ARHGEF3: variants seen among roughly 807,000 people sequenced by gnomAD.
The protein encoded by ARHGEF3 is Rho guanine nucleotide exchange factor 3, also known as 59.8 kDA protein.
A neutral mutation model predicts 63.2 loss-of-function variants in ARHGEF3; 28 were observed. That is an observed-to-expected ratio of 0.44 (90% CI 0.33 to 0.61). The LOEUF (loss-of-function observed/expected upper bound fraction) is 0.61. Ranked by LOEUF, ARHGEF3 falls within the 20% of genes least tolerant of loss-of-function variation. ARHGEF3 has a pLI of 0.03. For missense variants in ARHGEF3, 533 were observed against 659.3 expected (o/e 0.81, Z 2.10); for synonymous variants, 266 against 254.2 (o/e 1.05, Z -0.44).
intron 1 of ARHGEF3, among the ~76,000 whole-genome samples, chr3:57,042,054 A>G (rs1187948030): frequency 6.6e-6 from 1 of 152,184 alleles, no homozygotes; most frequent in Non-Finnish European, 1.5e-5. Flanking sequence ...GTCAGTGTGG[A>G]CACAGCAGCG....
intron 3 of ARHGEF3, among the ~76,000 whole-genome samples, chr3:56,944,532 G>C (rs564588700): frequency 2.3e-4 from 35 of 150,430 alleles, no homozygotes; most frequent in African/African-American, 8.3e-4. Flanking sequence ...AACGGATGGG[G>C]AGTTGCTTCT....
At chr3:56,920,692 A>G (rs192914470) in intron 3 of ARHGEF3, among the ~76,000 whole-genome samples, 343 of 152,296 alleles carry the variant, frequency 2.3e-3, no homozygotes, top group Non-Finnish European at 4.1e-3. Flanking sequence ...GTCTTTAAAC[A>G]TACCCCATTT....
At chr3:56,923,714 CAG>C (rs1168736298) in intron 3 of ARHGEF3, among the ~76,000 whole-genome samples, 1 of 152,146 alleles carries the variant, frequency 6.6e-6, no homozygotes, top group Non-Finnish European at 1.5e-5. Context: ...TCCCATGACT[CAG>C]AGTGTTCATT....
intron 9 of ARHGEF3, among the ~76,000 whole-genome samples, chr3:56,729,883 C>A (rs1174555858): frequency 6.6e-6 from 1 of 151,452 alleles, no homozygotes; most frequent in Non-Finnish European, 1.5e-5. Context: ...ACCACAAAGT[C>A]AAGTGATTTA....
At chr3:56,968,054 T>A (rs1285843006) in intron 2 of ARHGEF3, among the ~76,000 whole-genome samples, 1 of 566 alleles carries the variant, frequency 1.8e-3, no homozygotes. Context: ...ATATATATAA[T>A]ATATATAATA....
At chr3:56,945,257 T>G (rs1206909762) in intron 3 of ARHGEF3, among the ~76,000 whole-genome samples, 1 of 151,636 alleles carries the variant, frequency 6.6e-6, no homozygotes, top group African/African-American at 2.4e-5. Flanking sequence ...CTGGGGAGTG[T>G]TGGAAAGTGG....
At chr3:56,949,100 A>T (rs1380191516) in intron 3 of ARHGEF3, among the ~76,000 whole-genome samples, 1 of 152,044 alleles carries the variant, frequency 6.6e-6, no homozygotes, top group Non-Finnish European at 1.5e-5. Flanking sequence ...AAAAACTCTC[A>T]ATAAATTAGG....
intron 1 of ARHGEF3, chr3:57,060,426 C>T (rs1705158954): frequency 6.6e-6 from 1 of 152,208 alleles, no homozygotes; most frequent in Admixed American, 6.5e-5. Context: ...CAGGAGAGCC[C>T]TTCCAAGAAC....
At chr3:56,894,493 TGAAAA>T (rs2041234081) in intron 3 of ARHGEF3, among the ~76,000 whole-genome samples, 1 of 152,156 alleles carries the variant, frequency 6.6e-6, no homozygotes, top group African/African-American at 2.4e-5. Flanking sequence ...TTAGTTCTCC[TGAAAA>T]GAAAGTTTAG....
At chr3:56,990,881 T>A (rs1701721244) in intron 2 of ARHGEF3, among the ~76,000 whole-genome samples, 1 of 152,108 alleles carries the variant, frequency 6.6e-6, no homozygotes, top group Admixed American at 6.6e-5. Flanking sequence ...GGAACAATAA[T>A]CCTGCCTAAG....
intron 1 of ARHGEF3, among the ~76,000 whole-genome samples, chr3:57,048,065 T>C (rs114878217): frequency 6.0e-4 from 92 of 152,194 alleles, no homozygotes; most frequent in African/African-American, 2.1e-3. Flanking sequence ...CTTCAGCCCC[T>C]TCCTGCTGGC....
At chr3:56,877,506 C>A (rs965906614) in intron 4 of ARHGEF3, among the ~76,000 whole-genome samples, 1 of 151,660 alleles carries the variant, frequency 6.6e-6, no homozygotes. Context: ...CAAGTAGCGG[C>A]GACTACAGCC....
intron 1 of ARHGEF3, among the ~76,000 whole-genome samples, chr3:56,783,825 G>A (rs1023685716): frequency 1.3e-5 from 2 of 152,206 alleles, no homozygotes; most frequent in Non-Finnish European, 2.9e-5. Flanking sequence ...CTGGCAGCAA[G>A]CCCAAATCTG....
intron 8 of ARHGEF3, 96 bp from the exon 9 acceptor site, chr3:56,732,520 G>T (rs2033245635): frequency 1.4e-6 from 2 of 1,385,486 alleles, no homozygotes; most frequent in Non-Finnish European, 2.0e-6. Flanking sequence ...CAGGTACCAG[G>T]TTCACACTGG....
chr3:56,959,847 G>A (rs1578956098), intron 2 of ARHGEF3, among the ~76,000 whole-genome samples: 4 of 152,236 alleles, frequency 2.6e-5, no homozygotes, highest in African/African-American at 7.2e-5. Context: ...GCATGCTGGT[G>A]GGCACCTGTG....
chr3:56,873,311 T>C (rs907663106), intron 4 of ARHGEF3, among the ~76,000 whole-genome samples: 1 of 151,940 alleles, frequency 6.6e-6, no homozygotes. Flanking sequence ...GTTGTAGAGA[T>C]TATTTCATCA....
intron 4 of ARHGEF3, among the ~76,000 whole-genome samples, chr3:56,819,094 A>C (rs2038373574): frequency 6.6e-6 from 1 of 152,160 alleles, no homozygotes. Flanking sequence ...GAGAAGACTA[A>C]AGTCTTCTGA....
chr3:57,075,067 T>C (rs6773315), intron 1 of ARHGEF3: 29,007 of 167,056 alleles, frequency 0.17, 3,075 homozygotes, highest in East Asian at 0.37. Context: ...GACCACAACA[T>C]TGGGCTCCAT....
intron 1 of ARHGEF3, among the ~76,000 whole-genome samples, chr3:56,783,928 A>G (rs2036676686): frequency 6.6e-6 from 1 of 152,226 alleles, no homozygotes; most frequent in South Asian, 2.1e-4. Context: ...AGAAAACCAC[A>G]TTCAATTCTC....
Sources: allele counts gnomAD v4.1 joint callset (sites outside exome capture counted in the v4.1 genomes callset), GRCh38; gene constraint gnomAD v4.1.1; transcripts MANE v1.5; gene names NCBI Gene and HGNC (gene_info 2026-07-23, HGNC 2026-07-21).